The following CLMN variants were observed in gnomAD, a reference collection of about 807,000 sequenced individuals.
CLMN encodes calmin (calponin-like, transmembrane).
A neutral mutation model predicts 92.7 loss-of-function variants in CLMN; 57 were observed. The observed-to-expected ratio is 0.61, with a 90% CI of 0.50 to 0.77. The LOEUF (loss-of-function observed/expected upper bound fraction) is 0.77, where lower values mean the gene tolerates loss of function less well. Ranked by LOEUF, CLMN falls within the 30% of genes least tolerant of loss-of-function variation. The pLI, the probability that CLMN is intolerant of heterozygous loss-of-function variation, is 0.00. For missense variants in CLMN, 1,158 were observed against 1,237.5 expected, an observed-to-expected ratio of 0.94 and a Z score of 0.96; for synonymous variants, 466 against 470.6, an observed-to-expected ratio of 0.99 and a Z score of 0.13.
intron 1 of CLMN, among the ~76,000 whole-genome samples, chr14:95,247,331 C>T (rs959721420): frequency 3.3e-5 from 5 of 152,194 alleles, no homozygotes; most frequent in East Asian, 3.8e-4. Flanking sequence ...AGCAGATGTA[C>T]ACATGCTTGG....
intron 1 of CLMN, among the ~76,000 whole-genome samples, chr14:95,234,634 G>A (rs1057491328): frequency 1.6e-4 from 24 of 152,304 alleles, no homozygotes; most frequent in African/African-American, 5.3e-4. Flanking sequence ...CCCAAGTGCC[G>A]GGCCGGGTGG....
intron 2 of CLMN, among the ~76,000 whole-genome samples, chr14:95,226,046 G>A (rs1005305680): frequency 6.6e-6 from 1 of 152,214 alleles, no homozygotes; most frequent in African/African-American, 2.4e-5. Context: ...GGGAGAGGGG[G>A]ATGGTGGAGG....
intron 4 of CLMN, among the ~76,000 whole-genome samples, chr14:95,219,309 A>G (rs1219039962): frequency 6.6e-6 from 1 of 152,218 alleles, no homozygotes; most frequent in Non-Finnish European, 1.5e-5. Flanking sequence ...AATACGGTGG[A>G]AGGAAGAGCA....
chr14:95,313,759 T>C (rs1437640320), intron 1 of CLMN, among the ~76,000 whole-genome samples: 1 of 152,258 alleles, frequency 6.6e-6, no homozygotes, highest in African/African-American at 2.4e-5. Context: ...TTTTTCTCTC[T>C]TCTTCTCAGA....
rs116006302 is a variant in CLMN at position 95,197,716 on chromosome 14, C to T, written c.2512-1022G>A. On this transcript the variant is annotated intron_variant, in intron 9 of 12. Transcript: ENST00000298912. ...CTCTGAAACCCGTCAGCAAGGCTCC[C>T]GAGTGAAATGCAGGAGCACGGTCAT... Among the ~76,000 whole-genome samples the T allele has an allele frequency of 6.1e-3, 930 of 152,262 alleles. 13 individuals are homozygous for T. Among genetic ancestry groups the T allele is most frequent in the African/African-American group, 0.021 (870 of 41,544 alleles).
chr14:95,200,087 G>A (rs1490145573), intron 9 of CLMN, among the ~76,000 whole-genome samples: 1 of 152,170 alleles, frequency 6.6e-6, no homozygotes, highest in Non-Finnish European at 1.5e-5. Flanking sequence ...TAGAGGCAGA[G>A]CCAATGCAAT....
At chr14:95,211,194 T>C (rs1007340237) in intron 6 of CLMN, among the ~76,000 whole-genome samples, 3 of 152,124 alleles carry the variant, frequency 2.0e-5, no homozygotes. Flanking sequence ...AAACATAACA[T>C]GGAATGTGCT....
intron 6 of CLMN, 95 bp from the exon 7 acceptor site, chr14:95,210,974 T>C (rs1023339733): frequency 7.3e-5 from 98 of 1,350,940 alleles, no homozygotes; most frequent in Non-Finnish European, 9.4e-5. Flanking sequence ...AGTTTTTGAG[T>C]GGGGCAGAGC....
intron 5 of CLMN, among the ~76,000 whole-genome samples, chr14:95,215,347 C>A (rs1311139966): frequency 6.6e-6 from 1 of 152,156 alleles, no homozygotes; most frequent in Non-Finnish European, 1.5e-5. Flanking sequence ...CAGGAGTATT[C>A]CCCGGTTCTT....
intron 1 of CLMN, among the ~76,000 whole-genome samples, chr14:95,291,562 G>A (rs181532254): frequency 4.6e-5 from 7 of 152,278 alleles, no homozygotes; most frequent in South Asian, 2.1e-4. Context: ...CAGGAGAGAC[G>A]GAGTCAGACT....
chr14:95,229,163 T>C (rs1422199573), intron 2 of CLMN, among the ~76,000 whole-genome samples: 1 of 151,952 alleles, frequency 6.6e-6, no homozygotes, highest in Non-Finnish European at 1.5e-5. Context: ...AAAAATAATC[T>C]CTCCTCTCCC....
rs140701212 is a variant in CLMN, at chr14:95,304,285, A to G, written c.82+15426T>C. Among the ~76,000 whole-genome samples, 65 of 152,202 alleles carry G rather than the reference A, an allele frequency of 4.3e-4. 1 individual carries two copies. In the East Asian group the frequency reaches 0.011, roughly 25 times the overall value. The stretch of plus-strand genomic sequence containing the variant: ...TAGGAGTTCAAGGCTGCAGTTTGCC[A>G]TGATGGTGCCACTGCATTCCAGCCT... On this transcript the variant is annotated intron_variant, in intron 1 of 12. Transcript: ENST00000298912.
At chr14:95,226,582 T>C (rs1897718639) in intron 2 of CLMN, among the ~76,000 whole-genome samples, 1 of 152,092 alleles carries the variant, frequency 6.6e-6, no homozygotes, top group Non-Finnish European at 1.5e-5. Flanking sequence ...TTTCTTCTTC[T>C]TCTTTTTTTT....
chr14:95,258,710 T>A (rs1899120455), intron 1 of CLMN, among the ~76,000 whole-genome samples: 1 of 145,714 alleles, frequency 6.9e-6, no homozygotes, highest in Non-Finnish European at 1.5e-5. Flanking sequence ...GTGGAGGGTG[T>A]GTTTGTGTGT....
At chr14:95,274,997 A>G (rs1452618666) in intron 1 of CLMN, among the ~76,000 whole-genome samples, 1 of 151,314 alleles carries the variant, frequency 6.6e-6, no homozygotes, top group Non-Finnish European at 1.5e-5. Context: ...AAAAAAAAAA[A>G]GTCACTCATT....
intron 8 of CLMN, among the ~76,000 whole-genome samples, chr14:95,205,163 G>A (rs562007377): frequency 2.0e-5 from 3 of 152,234 alleles, no homozygotes; most frequent in African/African-American, 4.8e-5. Context: ...TCCTATTGAC[G>A]CTGATATGAT....
At chr14:95,275,732 G>A (rs1486055442) in intron 1 of CLMN, among the ~76,000 whole-genome samples, 2 of 152,110 alleles carry the variant, frequency 1.3e-5, no homozygotes, top group East Asian at 1.9e-4. Flanking sequence ...GCGTGACGTC[G>A]GCTCACTGGA....
At chr14:95,285,594 C>T (rs549446504) in intron 1 of CLMN, among the ~76,000 whole-genome samples, 5 of 152,226 alleles carry the variant, frequency 3.3e-5, no homozygotes, top group East Asian at 1.9e-4. Context: ...CCCCTAGACA[C>T]GTATGACAGG....
intron 1 of CLMN, among the ~76,000 whole-genome samples, chr14:95,287,721 C>A (rs923959667): frequency 1.3e-5 from 2 of 152,196 alleles, no homozygotes; most frequent in African/African-American, 4.8e-5. Context: ...AAAGCTCAGA[C>A]AACACTGGCT....
Sources: allele counts gnomAD v4.1 joint callset (sites outside exome capture counted in the v4.1 genomes callset), GRCh38; gene constraint gnomAD v4.1.1; transcripts MANE v1.5; gene names NCBI Gene and HGNC (gene_info 2026-07-23, HGNC 2026-07-21).